The following PALM2AKAP2 variants were observed in gnomAD, a reference collection of about 807,000 sequenced individuals.
PALM2AKAP2 encodes the protein PALM2-AKAP2 fusion protein.
A neutral mutation model predicts 71.5 loss-of-function variants in PALM2AKAP2; 37 were observed. The observed-to-expected ratio is 0.52, with a 90% CI of 0.40 to 0.68. PALM2AKAP2 has a LOEUF of 0.68. Ranked by LOEUF, PALM2AKAP2 falls within the 30% of genes least tolerant of loss-of-function variation. PALM2AKAP2 has a pLI of 0.00. For missense variants in PALM2AKAP2, 1,224 were observed against 1,191.8 expected, an observed-to-expected ratio of 1.03 and a Z score of -0.40; for synonymous variants, 468 against 478.8, an observed-to-expected ratio of 0.98 and a Z score of 0.29.
In PALM2AKAP2 at chr9:109,895,648, T is replaced by C. The variant is rs78683894; in HGVS notation, c.257+14967T>C. Among the ~76,000 whole-genome samples the C allele has an allele frequency of 3.4e-3, 520 of 152,314 alleles. 5 individuals are homozygous for C. Among genetic ancestry groups the C allele is most frequent in the African/African-American group, 0.012 (491 of 41,566 alleles). On this transcript the variant is annotated intron_variant, in intron 3 of 9. Coordinates refer to the PALM2AKAP2 transcript ENST00000302798. ...CTTACTTTTAAAGAAGGAAGGGAGA[T>C]TCTGTAAATGAGTGGCTTTTCTTTT...
chr9:109,980,757 G>A (rs1193923325), intron 6 of PALM2AKAP2, among the ~76,000 whole-genome samples: 2 of 152,208 alleles, frequency 1.3e-5, no homozygotes, highest in South Asian at 2.1e-4. Context: ...GCCACATACA[G>A]GCCAATTGTT....
At chr9:109,701,922 T>A (rs1156506709) in intron 1 of PALM2AKAP2, among the ~76,000 whole-genome samples, 1 of 151,978 alleles carries the variant, frequency 6.6e-6, no homozygotes, top group Non-Finnish European at 1.5e-5. Flanking sequence ...CATCAAAAAG[T>A]GGGCAAAGGA....
chr9:110,111,981 C>A (rs1196773658), intron 1 of PALM2AKAP2, among the ~76,000 whole-genome samples: 3 of 152,048 alleles, frequency 2.0e-5, no homozygotes, highest in Admixed American at 1.3e-4. Context: ...ATGGCCAGAA[C>A]GGAATGGCAG....
At chr9:109,646,987 T>C (rs1587852908) in intron 1 of PALM2AKAP2, among the ~76,000 whole-genome samples, 1 of 152,192 alleles carries the variant, frequency 6.6e-6, no homozygotes, top group East Asian at 1.9e-4. Context: ...TTACGGAAGT[T>C]TATGAAGTAA....
chr9:109,773,727 G>C (rs1475313101), intron 1 of PALM2AKAP2, among the ~76,000 whole-genome samples: 1 of 152,222 alleles, frequency 6.6e-6, no homozygotes, highest in Non-Finnish European at 1.5e-5. Flanking sequence ...GTTAGGATTA[G>C]GACCTAGGAT....
At chr9:110,159,577 G>A (rs375319965) in intron 3 of PALM2AKAP2, among the ~76,000 whole-genome samples, 16 of 152,232 alleles carry the variant, frequency 1.1e-4, no homozygotes, top group African/African-American at 3.4e-4. Flanking sequence ...CAAGACAGGC[G>A]CTGATCATTG....
In PALM2AKAP2 at chr9:110,158,860, C is replaced by T. The variant is rs559221211; in HGVS notation, c.2748+2363C>T. Reference sequence around the variant, plus strand: ...GATCAGGACAAAATCTACCAATCCACTATATGCTCATTTAAGAGACCCAAA... The same window carrying T: ...GATCAGGACAAAATCTACCAATCCATTATATGCTCATTTAAGAGACCCAAA... On this transcript the variant is annotated intron_variant, in intron 3 of 3. Coordinates refer to ENST00000374525, the Ensembl canonical transcript of PALM2AKAP2. Among the ~76,000 whole-genome samples, 3 of 152,300 alleles carry T rather than the reference C, an allele frequency of 2.0e-5. No homozygotes were observed. The South Asian group carries it at 6.2e-4, about 32-fold the overall frequency.
intron 1 of PALM2AKAP2, among the ~76,000 whole-genome samples, chr9:110,099,435 T>C (rs7865961): frequency 0.22 from 34,044 of 152,126 alleles, 5,122 homozygotes; most frequent in African/African-American, 0.42. Context: ...TCCAGGCAGC[T>C]ATGAATGAGG....
intron 6 of PALM2AKAP2, chr9:109,942,864 G>C: frequency 6.2e-7 from 1 of 1,614,142 alleles, no homozygotes; most frequent in Non-Finnish European, 8.5e-7. Context: ...AAAATGGAGT[G>C]CACAAATTAA....
intron 1 of PALM2AKAP2, chr9:109,760,286 T>C (rs887745424): frequency 2.6e-5 from 4 of 152,126 alleles, no homozygotes; most frequent in Admixed American, 6.6e-5. Context: ...AGTTAGGCAG[T>C]GGTCAAAAGG....
At chr9:110,042,682 C>A (rs550841378) in intron 7 of PALM2AKAP2, among the ~76,000 whole-genome samples, 1 of 152,196 alleles carries the variant, frequency 6.6e-6, no homozygotes, top group African/African-American at 2.4e-5. Flanking sequence ...GTCTGATGCT[C>A]ACCCCACTAT....
At chr9:110,137,136 C>A in exon 2 of PALM2AKAP2, 1 of 1,613,500 alleles carries the variant, frequency 6.2e-7, no homozygotes, top group South Asian at 1.1e-5. Context: ...ACAGCCCCTG[C>A]CTCTTCTCAT....
intron 6 of PALM2AKAP2, among the ~76,000 whole-genome samples, chr9:109,987,847 A>T (rs923218101): frequency 6.6e-6 from 1 of 152,252 alleles, no homozygotes; most frequent in Non-Finnish European, 1.5e-5. Flanking sequence ...CACAGATATG[A>T]CAATGTTCAG....
intron 7 of PALM2AKAP2, among the ~76,000 whole-genome samples, chr9:110,016,937 T>C (rs1404069502): frequency 6.6e-6 from 1 of 152,210 alleles, no homozygotes; most frequent in Non-Finnish European, 1.5e-5. Flanking sequence ...CGGAGTGCAG[T>C]GGTGCGATCT....
intron 1 of PALM2AKAP2, among the ~76,000 whole-genome samples, chr9:109,737,050 A>G (rs921480622): frequency 2.6e-5 from 4 of 152,364 alleles, no homozygotes; most frequent in African/African-American, 9.6e-5. Flanking sequence ...ATAGTGTAAG[A>G]TGATTTTATC....
At chr9:109,908,808 G>GCACACACACACACACA (rs59715039) in intron 3 of PALM2AKAP2, among the ~76,000 whole-genome samples, 107 of 150,228 alleles carry the variant, frequency 7.1e-4, no homozygotes, top group South Asian at 3.2e-3. Context: ...GGATGCGTGT[G>GCACACACACACACACA]CACACACACA....
chr9:109,739,262 A>G (rs1474155708), intron 1 of PALM2AKAP2, among the ~76,000 whole-genome samples: 1 of 152,228 alleles, frequency 6.6e-6, no homozygotes, highest in African/African-American at 2.4e-5. Context: ...TTTATTTAAG[A>G]AAGTACAGGT....
chr9:109,810,035 T>A (rs1321007789), intron 1 of PALM2AKAP2, among the ~76,000 whole-genome samples: 2 of 152,196 alleles, frequency 1.3e-5, no homozygotes, highest in African/African-American at 2.4e-5. Flanking sequence ...AGTGGGAGAA[T>A]GAACTAATAC....
chr9:109,966,167 C>T (rs369291048), intron 6 of PALM2AKAP2, among the ~76,000 whole-genome samples: 29 of 152,142 alleles, frequency 1.9e-4, no homozygotes, highest in African/African-American at 4.6e-4. Flanking sequence ...AGATCAGTGT[C>T]GGCAGAAAGA....
Sources: gnomAD v4.1 joint callset for allele counts (sites outside exome capture counted in the v4.1 genomes callset) on GRCh38, gnomAD v4.1.1 for gene constraint, MANE v1.5 for transcripts, NCBI Gene and HGNC (gene_info 2026-07-23, HGNC 2026-07-21) for gene names.